The following AVEN variants were observed in gnomAD, a reference collection of about 807,000 sequenced individuals.
AVEN encodes cell death regulator Aven.
In AVEN, 41 loss-of-function variants were observed where a neutral mutation model predicts 38.1. The ratio of observed to expected loss-of-function variants is 1.08; its 90% confidence interval spans 0.84 to 1.40. AVEN has a LOEUF of 1.40. Ranked by LOEUF, AVEN falls within the 40% of genes most tolerant of loss-of-function variation. The probability of loss-of-function intolerance (pLI) is 0.00; values close to 1 mark genes in which losing one functional copy is unlikely to be tolerated. For synonymous variants in AVEN, 206 were observed against 171.8 expected (o/e 1.20, Z -1.56); for missense variants, 605 against 438.8 (o/e 1.38, Z -3.38).
downstream of AVEN, among the ~76,000 whole-genome samples, chr15:33,863,945 T>G (rs984014234): frequency 7.2e-5 from 11 of 152,210 alleles, no homozygotes; most frequent in African/African-American, 2.4e-4. Context: ...ACAAAGTGGC[T>G]AATTTTGAGA....
intron 2 of AVEN, among the ~76,000 whole-genome samples, chr15:33,954,624 G>A (rs1423104125): frequency 6.7e-6 from 1 of 148,766 alleles, no homozygotes; most frequent in Non-Finnish European, 1.5e-5. Context: ...GACACAGGGT[G>A]GGGAACATCA....
chr15:34,048,432 TC>T (rs1899804759), intron 5 of AVEN, among the ~76,000 whole-genome samples: 1 of 149,136 alleles, frequency 6.7e-6, no homozygotes, highest in African/African-American at 2.5e-5. Flanking sequence ...CTTTGCCAGA[TC>T]ATGGCCAGGC....
At chr15:33,900,793 T>A in intron 2 of AVEN, among the ~76,000 whole-genome samples, 1 of 140,172 alleles carries the variant, frequency 7.1e-6, no homozygotes, top group East Asian at 2.1e-4. Context: ...TTCTATTTCA[T>A]AAATAGCAAT....
chr15:34,037,778 CTG>C, intron 1 of AVEN, among the ~76,000 whole-genome samples: 1 of 151,926 alleles, frequency 6.6e-6, no homozygotes, highest in South Asian at 2.1e-4. Context: ...TTTTCCAGCT[CTG>C]TATTGCTGTA....
chr15:34,073,986 CTTCTTTTT>C lies in AVEN; in HGVS notation n.720+442_720+449del, dbSNP rs1467027002. On this transcript the variant is annotated intron_variant and non_coding_transcript_variant, in intron 1 of 11. Coordinates refer to the AVEN transcript ENST00000675287. ...TGGAGGAACTTTCTTTTTTCTTCTT[CTTCTTTTT>C]TTTTTTTTTTTTTTTTTTTTTGAGA... Among the ~76,000 whole-genome samples, 94 of 112,176 alleles carry C rather than the reference CTTCTTTTT, an allele frequency of 8.4e-4. 16 individuals carry two copies. Among genetic ancestry groups the C allele is most frequent in the Middle Eastern group, 0.011 (2 of 186 alleles). 73.6% of individuals were successfully genotyped at this position (112,176 alleles called of 152,430 possible).
intron 1 of AVEN, among the ~76,000 whole-genome samples, chr15:34,028,464 C>T (rs753760271): frequency 3.2e-4 from 49 of 152,098 alleles, no homozygotes; most frequent in Admixed American, 9.8e-4. Context: ...ATTCAGAAGG[C>T]TGAGGTGGGA....
intron 5 of AVEN, among the ~76,000 whole-genome samples, chr15:34,048,817 G>T (rs916689745): frequency 6.6e-6 from 1 of 152,212 alleles, no homozygotes; most frequent in Admixed American, 6.5e-5. Flanking sequence ...ATCCTCCTGG[G>T]ATGGAGCCTC....
At chr15:33,917,763 C>A (rs1307891617) in intron 2 of AVEN, among the ~76,000 whole-genome samples, 1 of 152,138 alleles carries the variant, frequency 6.6e-6, no homozygotes, top group Non-Finnish European at 1.5e-5. Flanking sequence ...TATGTTCTCA[C>A]TCATAAGTGG....
intron 2 of AVEN, among the ~76,000 whole-genome samples, chr15:33,961,729 C>A (rs542835460): frequency 1.8e-4 from 25 of 139,772 alleles, no homozygotes; most frequent in African/African-American, 6.4e-4. Context: ...AGGAGAATGG[C>A]GTGAACCCGG....
chr15:33,938,251 C>G (rs773908700), intron 2 of AVEN, among the ~76,000 whole-genome samples: 1 of 151,858 alleles, frequency 6.6e-6, no homozygotes, highest in Non-Finnish European at 1.5e-5. Context: ...GTCAGGAGAT[C>G]GAGACCATCC....
At chr15:34,008,705 G>C (rs1446303153) in intron 1 of AVEN, among the ~76,000 whole-genome samples, 3 of 151,910 alleles carry the variant, frequency 2.0e-5, no homozygotes, top group Non-Finnish European at 4.4e-5. Context: ...AGCCAGGATA[G>C]TCTCAATCTC....
chr15:34,012,071 A>G (rs1261635505), intron 1 of AVEN, among the ~76,000 whole-genome samples: 1 of 152,194 alleles, frequency 6.6e-6, no homozygotes, highest in Non-Finnish European at 1.5e-5. Flanking sequence ...GGACTTCTGA[A>G]GCTTTTTAAC....
At chr15:33,885,380 A>G (rs1891662380) in intron 2 of AVEN, among the ~76,000 whole-genome samples, 1 of 152,128 alleles carries the variant, frequency 6.6e-6, no homozygotes, top group South Asian at 2.1e-4. Flanking sequence ...AGGACATAAA[A>G]ATTCTTCACC....
chr15:34,068,398 G>A (rs1377204498), intron 2 of AVEN, among the ~76,000 whole-genome samples: 2 of 151,820 alleles, frequency 1.3e-5, no homozygotes, highest in African/African-American at 4.8e-5. Context: ...GTAGAGACAG[G>A]GTTTCACCAT....
intron 2 of AVEN, among the ~76,000 whole-genome samples, chr15:33,975,564 T>C (rs1895847230): frequency 6.6e-6 from 1 of 152,108 alleles, no homozygotes; most frequent in Non-Finnish European, 1.5e-5. Context: ...CAAGAAAGCA[T>C]AGAAACAAAA....
At chr15:33,860,734 G>C (rs901983010) in intron 11 of AVEN, 2 of 1,134,870 alleles carry the variant, frequency 1.8e-6, no homozygotes, top group Non-Finnish European at 2.6e-6. Context: ...TAAACAATAG[G>C]TTTTACTATT....
intron 2 of AVEN, among the ~76,000 whole-genome samples, chr15:33,983,003 G>C (rs1421344313): frequency 2.6e-5 from 4 of 151,322 alleles, no homozygotes; most frequent in Non-Finnish European, 5.9e-5. Context: ...TTAACTGCAT[G>C]GACCATGACT....
At chr15:33,854,491 T>G, downstream of AVEN, 1 of 1,485,456 alleles carries the variant, frequency 6.7e-7, no homozygotes. Flanking sequence ...ATACCCCAGT[T>G]CAGGGATGCC....
At chr15:33,870,043 A>C (rs116609189) in intron 4 of AVEN, among the ~76,000 whole-genome samples, 5,044 of 152,042 alleles carry the variant, frequency 0.033, 265 homozygotes, top group African/African-American at 0.12. Flanking sequence ...TCCAAAACTC[A>C]CCCTTCCTGA....
Sources: gnomAD v4.1 joint callset for allele counts (sites outside exome capture counted in the v4.1 genomes callset) on GRCh38, gnomAD v4.1.1 for gene constraint, MANE v1.5 for transcripts, NCBI Gene and HGNC (gene_info 2026-07-23, HGNC 2026-07-21) for gene names.